The following PPP6R2 variants were observed in gnomAD, a reference collection of about 807,000 sequenced individuals.
PPP6R2 encodes protein phosphatase 6 regulatory subunit 2.
Under a neutral mutation model 100.2 loss-of-function variants are expected in PPP6R2, and 62 were observed. That is an observed-to-expected ratio of 0.62 (90% CI 0.50 to 0.76). The LOEUF is 0.76. Among genes scored for constraint, PPP6R2 ranks in the 30% least tolerant of loss-of-function variants. The probability of loss-of-function intolerance (pLI) is 0.00; values close to 1 mark genes in which losing one functional copy is unlikely to be tolerated. For missense variants in PPP6R2, 1,142 were observed against 1,276.3 expected, an observed-to-expected ratio of 0.89 and a Z score of 1.60; for synonymous variants, 525 against 514.7, an observed-to-expected ratio of 1.02 and a Z score of -0.27.
chr22:50,443,766 A>G, intron 22 of PPP6R2, 100 bp from the exon 23 acceptor site: 2 of 1,451,546 alleles, frequency 1.4e-6, no homozygotes, highest in South Asian at 2.7e-5. Context: ...TGGTGCTCCC[A>G]GGCCGCCTGG....
chr22:50,413,400 G>A (rs569490558), intron 4 of PPP6R2, among the ~76,000 whole-genome samples: 156 of 152,240 alleles, frequency 1.0e-3, no homozygotes, highest in African/African-American at 3.4e-3. Flanking sequence ...AGGCTGAGGT[G>A]GGAGAATCAC....
At chr22:50,368,316 G>C (rs971712874) in intron 1 of PPP6R2, among the ~76,000 whole-genome samples, 1 of 152,048 alleles carries the variant, frequency 6.6e-6, no homozygotes, top group Non-Finnish European at 1.5e-5. Flanking sequence ...CCCTTTCCCA[G>C]TCTGCTAAGT....
chr22:50,332,926 A>G, the PPP6R2 span, among the ~76,000 whole-genome samples: 1 of 152,218 alleles, frequency 6.6e-6, no homozygotes, highest in African/African-American at 2.4e-5. Flanking sequence ...CCAGTCCTAA[A>G]TTCTTTTTTT....
At chr22:50,406,574 G>A (rs1274381741) in intron 3 of PPP6R2, 115 bp from the exon 4 acceptor site, 1 of 929,526 alleles carries the variant, frequency 1.1e-6, no homozygotes, top group Non-Finnish European at 1.7e-6. Flanking sequence ...TCTGAGGTCT[G>A]TAGTGTTTGT....
intron 1 of PPP6R2, among the ~76,000 whole-genome samples, 199 bp downstream of exon 1, chr22:50,343,749 T>TC (rs1268903495): frequency 3.7e-5 from 2 of 54,468 alleles, no homozygotes. Context: ...TCCAGTCAGT[T>TC]CCCCCCCAGT....
Position 50,414,706 on chromosome 22 carries a change from C to T in PPP6R2, c.552+17C>T, listed in dbSNP as rs1162575676. ...GTCCTGCACGTGAGTGCGGGAGTCC[C>T]CCCCCGTTCCCGAGGGCAGGGGTGC... is the stretch of plus-strand genomic sequence containing the variant. On this transcript the variant is annotated intron_variant, in intron 5 of 23. Transcript: ENST00000612753. The T allele has an allele frequency of 1.2e-6, 2 of 1,604,474 alleles. No homozygotes were observed. Among genetic ancestry groups the T allele is most frequent in the Admixed American group, 1.7e-5 (1 of 59,434 alleles).
chr22:50,332,777 C>T, the PPP6R2 span, among the ~76,000 whole-genome samples: 152 of 151,914 alleles, frequency 1.0e-3, no homozygotes, highest in Middle Eastern at 0.017. Context: ...GCACGCACCA[C>T]CACGCCCAGC....
At position 50,423,705 on chromosome 22, in the gene PPP6R2, C is replaced by A; in HGVS notation, c.1125+91C>A. Reference sequence around the variant, plus strand: ...CAGGAGCAGCAGAGCAGGGCCCCAGCATTTGGACAAAGCTCTGCCACGGGG... The same window carrying A: ...CAGGAGCAGCAGAGCAGGGCCCCAGAATTTGGACAAAGCTCTGCCACGGGG... On this transcript the variant is annotated intron_variant, in intron 10 of 23. Coordinates refer to ENST00000612753, the MANE Select transcript of PPP6R2 (RefSeq NM_001242898.2). The surrounding 1 kb of genome is among the most constrained non-coding windows in gnomAD (Gnocchi z 4.8). 1.3e-6 allele frequency: 2 copies of A among 1,492,948 alleles called. No individual in the cohort carries two copies. Among genetic ancestry groups the A allele is most frequent in the Non-Finnish European group, 1.8e-6 (2 of 1,093,156 alleles). The allele number at this position is 1,492,948 out of a possible 1,614,324, so 92.5% of individuals were successfully genotyped here. A position where few individuals can be genotyped will look rare whatever the true frequency, so the allele number is the denominator to read the frequency against.
chr22:50,350,375 C>T (rs1360526636), intron 1 of PPP6R2, among the ~76,000 whole-genome samples: 4 of 151,192 alleles, frequency 2.6e-5, no homozygotes, highest in East Asian at 2.1e-4. Flanking sequence ...GGATTACAGG[C>T]GCCCACCACC....
intron 10 of PPP6R2, among the ~76,000 whole-genome samples, chr22:50,427,104 G>C (rs2062282555): frequency 6.6e-6 from 1 of 150,780 alleles, no homozygotes; most frequent in Middle Eastern, 3.2e-3. Flanking sequence ...CAGGAGAATG[G>C]TGTGAACCCG....
chr22:50,427,662 C>T (rs192411634), intron 10 of PPP6R2, among the ~76,000 whole-genome samples: 2 of 152,198 alleles, frequency 1.3e-5, no homozygotes, highest in South Asian at 2.1e-4. Flanking sequence ...AAACAAGTCT[C>T]CTGCCTCAAC....
chr22:50,381,795 C>G (rs1036172093), intron 2 of PPP6R2, among the ~76,000 whole-genome samples: 1 of 151,790 alleles, frequency 6.6e-6, no homozygotes, highest in Non-Finnish European at 1.5e-5. Context: ...GTAGTCCCAG[C>G]TACTCAGGAG....
At chr22:50,370,975 GGGTATTGGGAATCCTAAT>G (rs2050084667) in intron 1 of PPP6R2, among the ~76,000 whole-genome samples, 3 of 152,220 alleles carry the variant, frequency 2.0e-5, no homozygotes, top group African/African-American at 4.8e-5. Context: ...GTAGAGGTCA[GGGTATTGGGAATCCTAAT>G]TTAAAAATAT....
the PPP6R2 span, among the ~76,000 whole-genome samples, chr22:50,333,201 G>T: frequency 1.3e-5 from 2 of 151,998 alleles, no homozygotes; most frequent in Non-Finnish European, 2.9e-5. Flanking sequence ...ATAATTGTGA[G>T]GGTTTTTTTT....
chr22:50,375,400 T>C (rs1175106578), intron 2 of PPP6R2, among the ~76,000 whole-genome samples: 1 of 152,152 alleles, frequency 6.6e-6, no homozygotes, highest in Non-Finnish European at 1.5e-5. Context: ...GGGCATTTGC[T>C]CATGTGGACA....
At chr22:50,358,703 T>C (rs1288847202) in intron 1 of PPP6R2, among the ~76,000 whole-genome samples, 2 of 152,166 alleles carry the variant, frequency 1.3e-5, no homozygotes, top group Admixed American at 6.6e-5. Context: ...CTGATCTCTT[T>C]TCTGTATGAT....
intron 2 of PPP6R2, among the ~76,000 whole-genome samples, chr22:50,377,551 A>C (rs906308251): frequency 6.6e-6 from 1 of 152,192 alleles, no homozygotes; most frequent in Non-Finnish European, 1.5e-5. Flanking sequence ...ACCCAGAATG[A>C]AGCACAGAGA....
At chr22:50,341,924 C>T (rs1258458303), upstream of PPP6R2, among the ~76,000 whole-genome samples, 1 of 151,306 alleles carries the variant, frequency 6.6e-6, no homozygotes, top group Non-Finnish European at 1.5e-5. Context: ...ACCCAGGAGG[C>T]GGAGCTTGCA....
At chr22:50,390,785 G>T (rs1450308543) in intron 2 of PPP6R2, among the ~76,000 whole-genome samples, 1 of 151,922 alleles carries the variant, frequency 6.6e-6, no homozygotes, top group African/African-American at 2.4e-5. Context: ...CAGATCACGA[G>T]GTCAGGAGTT....
Sources: gnomAD v4.1 joint callset for allele counts (sites outside exome capture counted in the v4.1 genomes callset) on GRCh38, gnomAD v4.1.1 for gene constraint, Gnocchi (gnomAD v3.1) non-coding constraint, MANE v1.5 for transcripts, NCBI Gene and HGNC (gene_info 2026-07-23, HGNC 2026-07-21) for gene names.